KNL1: variants seen among roughly 807,000 people sequenced by gnomAD.
KNL1 encodes the protein kinetochore scaffold 1.
A neutral mutation model predicts 201.3 loss-of-function variants in KNL1; 66 were observed. The ratio of observed to expected loss-of-function variants is 0.33; its 90% CI spans 0.27 to 0.40. The LOEUF (loss-of-function observed/expected upper bound fraction) is 0.40. Ranked by LOEUF, KNL1 falls within the 10% of genes least tolerant of loss-of-function variation. The pLI, the probability that KNL1 is intolerant of heterozygous loss-of-function variation, is 1.00. For synonymous variants in KNL1, 895 were observed against 899.2 expected, an observed-to-expected ratio of 1.00 and a Z score of 0.08; for missense variants, 2,815 against 2,690.5, an observed-to-expected ratio of 1.05 and a Z score of -1.02.
chr15:40,628,816 T>G, intron 12 of KNL1, 138 bp downstream of exon 12: 3 of 525,690 alleles, frequency 5.7e-6, no homozygotes, highest in Non-Finnish European at 1.0e-5. Flanking sequence ...AAGACTACTT[T>G]TCTTTGTTAA....
At chr15:40,656,537 T>C (rs1389096174) in intron 22 of KNL1, among the ~76,000 whole-genome samples, 1 of 152,244 alleles carries the variant, frequency 6.6e-6, no homozygotes, top group Non-Finnish European at 1.5e-5. Flanking sequence ...CTTGAGTTTT[T>C]GTAGAAATGT....
chr15:40,644,283 G>A (rs1302499213), intron 14 of KNL1, among the ~76,000 whole-genome samples: 2 of 152,226 alleles, frequency 1.3e-5, no homozygotes, highest in African/African-American at 4.8e-5. Context: ...CCAGATTTAT[G>A]TTTCTCTCCA....
intron 1 of KNL1, among the ~76,000 whole-genome samples, chr15:40,602,479 C>CGTTTT (rs1566998543): frequency 3.2e-4 from 33 of 104,258 alleles, no homozygotes; most frequent in African/African-American, 1.1e-3. Context: ...TTTTTTCCTT[C>CGTTTT]CTTTTTTTTT....
intron 1 of KNL1, among the ~76,000 whole-genome samples, chr15:40,597,928 T>G (rs1164993198): frequency 6.6e-6 from 1 of 152,116 alleles, no homozygotes; most frequent in African/African-American, 2.4e-5. Flanking sequence ...TCCCAGCACT[T>G]TGGGAGGCCG....
chr15:40,600,162 G>A (rs1316157233), intron 1 of KNL1, among the ~76,000 whole-genome samples: 1 of 141,780 alleles, frequency 7.1e-6, no homozygotes, highest in East Asian at 2.1e-4. Context: ...TGTAACCTCT[G>A]TCCCCTGGGT....
chr15:40,620,621 T>C lies in KNL1; in HGVS notation c.376-19T>C, dbSNP rs1892485903. 1.3e-6 allele frequency: 2 copies of C among 1,492,032 alleles called. No individual in the cohort carries two copies. The highest frequency in any genetic ancestry group is 2.3e-5 in the East Asian group (1 of 44,000). The allele number at this position is 1,492,032 out of a possible 1,614,324, so 92.4% of individuals were successfully genotyped here. The stretch of plus-strand genomic sequence containing the variant: ...AGTTTGCTTTTGTTCTGATCTCTTA[T>C]ATTTTGCTTTCATTATAGTTTTCAA... On this transcript the variant is annotated intron_variant, in intron 9 of 25. Coordinates refer to ENST00000399668, the MANE Select transcript of KNL1 (RefSeq NM_144508.5).
At chr15:40,638,880 C>G (rs1893137972) in intron 13 of KNL1, among the ~76,000 whole-genome samples, 1 of 150,718 alleles carries the variant, frequency 6.6e-6, no homozygotes, top group Admixed American at 6.6e-5. Context: ...GGCACTGTCT[C>G]TGCTCACTGC....
rs1475860034 is a variant in KNL1, at chr15:40,622,384, A to G, written c.2120A>G (p.Gln707Arg). Residue 707 changes from glutamine (Q) to arginine (R), a missense_variant, in exon 10 of 26, where the codon CAG becomes CGG. Transcript: ENST00000399668. Reference protein sequence around the residue: ...STTKPLFSSGQFSMKNHDTAI... With the variant: ...STTKPLFSSGRFSMKNHDTAI... ...ACAAAGCCATTATTTTCATCAGGAC[A>G]GTTCTCTATGAAAAATCATGATACT... 9 of 1,613,840 alleles carry G rather than the reference A, an allele frequency of 5.6e-6. No homozygotes were observed. The highest frequency in any genetic ancestry group is 1.6e-4 in the Middle Eastern group (1 of 6,062).
At chr15:40,650,184 G>C (rs1435660627) in intron 17 of KNL1, 117 bp from the exon 18 acceptor site, 2 of 652,550 alleles carry the variant, frequency 3.1e-6, no homozygotes, top group African/African-American at 1.9e-5. Flanking sequence ...TACTACCAAA[G>C]AAACAATCTG....
chr15:40,616,927 A>G (rs1242659968), intron 8 of KNL1, among the ~76,000 whole-genome samples: 13 of 152,042 alleles, frequency 8.6e-5, no homozygotes, highest in Non-Finnish European at 1.9e-4. Context: ...TTTTCTGCCT[A>G]TATGCATTTA....
At chr15:40,634,700 A>G (rs1893006387) in intron 13 of KNL1, among the ~76,000 whole-genome samples, 1 of 152,094 alleles carries the variant, frequency 6.6e-6, no homozygotes, top group African/African-American at 2.4e-5. Flanking sequence ...TACTTTTCTT[A>G]TAAAGGGAAA....
intron 1 of KNL1, among the ~76,000 whole-genome samples, chr15:40,600,075 C>CTTTT (rs10706832): frequency 2.0e-5 from 2 of 100,192 alleles, no homozygotes; most frequent in Non-Finnish European, 2.1e-5. Flanking sequence ...TTTGGGATTC[C>CTTTT]TTTTTTTTTT....
intron 16 of KNL1, 179 bp from the exon 17 acceptor site, chr15:40,646,808 G>A (rs1893399155): frequency 2.6e-5 from 10 of 378,154 alleles, no homozygotes. Flanking sequence ...AATGAGCCCA[G>A]ATGGCGCCAC....
chr15:40,620,929 T>G lies in KNL1; in HGVS notation c.665T>G (p.Leu222Trp). 1 of 1,602,536 alleles carries G rather than the reference T, an allele frequency of 6.2e-7. No homozygotes were observed. Among genetic ancestry groups the G allele is most frequent in the Non-Finnish European group, 8.5e-7 (1 of 1,177,088 alleles). ...KIDFNDFIKR[L>W]KTGKCSAFPD... ...GATTTCAATGACTTCATAAAAAGAT[T>G]GAAAACAGGAAAATGTAGTGCTTTT... Residue 222 changes from leucine to tryptophan, a missense_variant, in exon 10 of 26, where the codon TTG (leucine) becomes TGG (tryptophan). Coordinates refer to ENST00000399668, the MANE Select transcript of KNL1 (RefSeq NM_144508.5).
At chr15:40,606,959 A>G (rs1891997100) in intron 4 of KNL1, among the ~76,000 whole-genome samples, 1 of 152,164 alleles carries the variant, frequency 6.6e-6, no homozygotes, top group African/African-American at 2.4e-5. Context: ...GGATTTCGCC[A>G]TGTTGCCCCA....
At chr15:40,625,727 C>T (rs1892731829) in intron 10 of KNL1, 87 bp downstream of exon 10, 1 of 1,021,002 alleles carries the variant, frequency 9.8e-7, no homozygotes, top group Non-Finnish European at 1.5e-6. Flanking sequence ...AAATTTTAAT[C>T]TTAGTCTCGG....
rs12912058 is a variant in KNL1 at position 40,611,616 on chromosome 15, C to A, written c.284+105C>A. 0.79 allele frequency: 131,916 copies of A among 167,118 alleles called. 53,083 individuals are homozygous for A. The highest frequency in any genetic ancestry group is 0.85 in the Non-Finnish European group (58,496 of 68,886). 10.4% of individuals were successfully genotyped at this position (167,118 alleles called of 1,614,324 possible). On this transcript the variant is annotated intron_variant, in intron 7 of 25. Transcript: ENST00000399668. ...AATACTTAGGATTAATTCAGAAAAC[C>A]AGTTATTTGCAGAATTTAGTATACT...
At chr15:40,655,677 G>A (rs1055976089) in intron 22 of KNL1, among the ~76,000 whole-genome samples, 2 of 151,898 alleles carry the variant, frequency 1.3e-5, no homozygotes, top group African/African-American at 4.8e-5. Flanking sequence ...CACTCTGGGA[G>A]GCCTAGGCGG....
chr15:40,614,895 A>G lies in KNL1; in HGVS notation c.285-446A>G, dbSNP rs145896548. ...TAAGCAAGCAGTATATATTAAGCATATTTTTCTAGTTTATTTTTTTGAGAT... is the reference window on the plus strand; with the variant it reads ...TAAGCAAGCAGTATATATTAAGCATGTTTTTCTAGTTTATTTTTTTGAGAT... On this transcript the variant is annotated intron_variant, in intron 7 of 25. Transcript: ENST00000399668. Among the ~76,000 whole-genome samples, 20 of 151,986 alleles carry G rather than the reference A, an allele frequency of 1.3e-4. No individual in the cohort carries two copies. The East Asian group carries it at 3.5e-3, about 26-fold the overall frequency.
Sources: allele counts gnomAD v4.1 joint callset (sites outside exome capture counted in the v4.1 genomes callset), GRCh38; gene constraint gnomAD v4.1.1; transcripts MANE v1.5; gene names NCBI Gene and HGNC (gene_info 2026-07-23, HGNC 2026-07-21).